The following TFB1M variants were observed in gnomAD, a reference collection of about 807,000 sequenced individuals.
The protein encoded by TFB1M is transcription factor B1, mitochondrial.
Under a neutral mutation model 31.1 loss-of-function variants are expected in TFB1M, and 27 were observed. That is an observed-to-expected ratio of 0.87 (90% confidence interval 0.64 to 1.20). TFB1M has a LOEUF of 1.20. Ranked by LOEUF, TFB1M falls within the 50% of genes most tolerant of loss-of-function variation. The pLI, the probability that TFB1M is intolerant of heterozygous loss-of-function variation, is 0.00. For missense variants in TFB1M, 394 were observed against 418.7 expected, an observed-to-expected ratio of 0.94 and a Z score of 0.51; for synonymous variants, 166 against 151.8, an observed-to-expected ratio of 1.09 and a Z score of -0.69.
chr6:155,284,468 C>T (rs1269879476), intron 5 of TFB1M, among the ~76,000 whole-genome samples: 1 of 152,128 alleles, frequency 6.6e-6, no homozygotes, highest in African/African-American at 2.4e-5. Flanking sequence ...TGTAGACTCC[C>T]CTTGCTACCC....
chr6:155,259,404 CTGGCATCCTCAGCAATGGGCTTTG>C (rs1340698567), intron 6 of TFB1M, among the ~76,000 whole-genome samples: 2 of 152,270 alleles, frequency 1.3e-5, no homozygotes, highest in Non-Finnish European at 2.9e-5. Context: ...CTTCTGCCAT[CTGGCATCCTCAGCAATGGGCTTTG>C]TGGACTGCAG....
intron 4 of TFB1M, among the ~76,000 whole-genome samples, chr6:155,285,848 G>A (rs1424184240): frequency 1.3e-5 from 2 of 151,922 alleles, no homozygotes; most frequent in African/African-American, 4.8e-5. Context: ...AATTAATTAG[G>A]TATATTTCAA....
At chr6:155,253,219 G>T, downstream of TFB1M, 1 of 562,370 alleles carries the variant, frequency 1.8e-6, no homozygotes, top group South Asian at 2.7e-5. Context: ...GCAGACTTCT[G>T]GGAGAAACTA....
the TFB1M span, chr6:155,250,529 T>C: frequency 6.5e-7 from 1 of 1,535,698 alleles, no homozygotes; most frequent in Non-Finnish European, 8.7e-7. Context: ...GCTGGTGCTC[T>C]TTTATCAGCA....
intron 2 of TFB1M, among the ~76,000 whole-genome samples, chr6:155,309,036 A>G (rs1486930033): frequency 1.3e-5 from 2 of 152,206 alleles, no homozygotes; most frequent in Non-Finnish European, 2.9e-5. Flanking sequence ...TGTTTCTACT[A>G]AAAACAAATG....
chr6:155,303,435 T>G (rs1777523533), intron 2 of TFB1M: 1 of 152,240 alleles, frequency 6.6e-6, no homozygotes, highest in Non-Finnish European at 1.5e-5. Flanking sequence ...CTTACAGTTG[T>G]CAGTGGGCCT....
chr6:155,300,862 T>C (rs1395864740), intron 2 of TFB1M, among the ~76,000 whole-genome samples: 2 of 152,152 alleles, frequency 1.3e-5, no homozygotes. Context: ...TGGAGTGCAG[T>C]GGTGCAATCT....
In TFB1M at chr6:155,256,870, C is replaced by T. The variant is rs760347536; in HGVS notation, c.*966G>A. ...GCCTGGCCCGGAGTCGGGTGAGGGT[C>T]AGAAAGGAGGAGAGCAGCCCAAACT... On this transcript the variant is annotated 3_prime_UTR_variant, in exon 7 of 7. Transcript: ENST00000367166. The T allele has an allele frequency of 5.6e-6, 9 of 1,614,060 alleles. No homozygotes were observed.
the TFB1M span, among the ~76,000 whole-genome samples, chr6:155,246,947 A>T: frequency 1.3e-5 from 2 of 152,274 alleles, no homozygotes; most frequent in Non-Finnish European, 2.9e-5. Context: ...GAATCCAAGT[A>T]GCACTGGTGT....
chr6:155,256,234 T>C lies in TFB1M; in HGVS notation c.*1602A>G. 1.7e-6 allele frequency: 1 copy of C among 603,536 alleles called. No individual in the cohort carries two copies. Among genetic ancestry groups the C allele is most frequent in the African/African-American group, 1.9e-5 (1 of 53,966 alleles). 37.4% of individuals were successfully genotyped at this position (603,536 alleles called of 1,614,324 possible). On this transcript the variant is annotated 3_prime_UTR_variant, in exon 7 of 7. Transcript: ENST00000367166. The stretch of plus-strand genomic sequence containing the variant: ...CCATGTAGTAGTTTCTAGTGTCTAG[T>C]TCTATTTACATAATTGAGCTCTGGT...
At chr6:155,297,236 T>C in intron 3 of TFB1M, 132 bp from the exon 4 acceptor site, 1 of 974,280 alleles carries the variant, frequency 1.0e-6, no homozygotes, top group Non-Finnish European at 1.5e-6. Flanking sequence ...TGGCTAAATT[T>C]TTTTTTTCAC....
At chr6:155,273,084 A>G (rs187168245) in intron 5 of TFB1M, among the ~76,000 whole-genome samples, 182 of 152,354 alleles carry the variant, frequency 1.2e-3, no homozygotes, top group African/African-American at 4.2e-3. Context: ...CAGAGGCAGT[A>G]ATTTAGCAAG....
chr6:155,314,172 C>A, intron 1 of TFB1M, 124 bp downstream of exon 1: 1 of 1,545,346 alleles, frequency 6.5e-7, no homozygotes, highest in Non-Finnish European at 8.7e-7. Context: ...GGTCGAAGGA[C>A]CTGACCAAAA....
chr6:155,286,972 T>TA (rs1776688475), intron 4 of TFB1M, among the ~76,000 whole-genome samples: 1 of 152,074 alleles, frequency 6.6e-6, no homozygotes, highest in African/African-American at 2.4e-5. Context: ...AATCATAAGA[T>TA]AAATAGCTAA....
intron 1 of TFB1M, among the ~76,000 whole-genome samples, chr6:155,312,061 T>C (rs1778038661): frequency 6.6e-6 from 1 of 152,166 alleles, no homozygotes; most frequent in African/African-American, 2.4e-5. Context: ...AGTCATCACA[T>C]CTGGAAAAAC....
In TFB1M at chr6:155,257,819, TC is replaced by T; in HGVS notation, c.*16del. 1 of 1,613,982 alleles carries T rather than the reference TC, an allele frequency of 6.2e-7. No individual in the cohort carries two copies. The highest frequency in any genetic ancestry group is 2.2e-5 in the East Asian group (1 of 44,890). On this transcript the variant is annotated 3_prime_UTR_variant, in exon 7 of 7. Transcript: ENST00000367166. ...TGCAAATCGACATCTGGTAGGCTGC[TC>T]GCCCCCAGGCAGCAGCTAGAGTCTG...
intron 5 of TFB1M, among the ~76,000 whole-genome samples, chr6:155,264,908 T>G (rs1396546069): frequency 6.6e-6 from 1 of 152,186 alleles, no homozygotes; most frequent in Non-Finnish European, 1.5e-5. Flanking sequence ...CCCAAGAGAT[T>G]AAACAATTTC....
intron 4 of TFB1M, among the ~76,000 whole-genome samples, chr6:155,295,017 G>T (rs1221848938): frequency 6.6e-6 from 1 of 152,154 alleles, no homozygotes; most frequent in African/African-American, 2.4e-5. Flanking sequence ...GAATGTTCAG[G>T]ATAAAAACAA....
At chr6:155,304,375 T>G (rs1391364525) in intron 2 of TFB1M, among the ~76,000 whole-genome samples, 1 of 152,114 alleles carries the variant, frequency 6.6e-6, no homozygotes, top group Non-Finnish European at 1.5e-5. Flanking sequence ...ACCACATAAT[T>G]TAATGGTTAA....
Sources: gnomAD v4.1 joint callset for allele counts (sites outside exome capture counted in the v4.1 genomes callset) on GRCh38, gnomAD v4.1.1 for gene constraint, MANE v1.5 for transcripts, NCBI Gene and HGNC (gene_info 2026-07-23, HGNC 2026-07-21) for gene names.